Variants in HHLA1 observed in about 807,000 individuals in gnomAD.
The protein encoded by HHLA1 is HHLA1 neighbor of OC90, also known as HERV-H LTR-associating protein 1.
Under a neutral mutation model 69.9 loss-of-function variants are expected in HHLA1, and 72 were observed. The observed-to-expected ratio is 1.03, with a 90% confidence interval of 0.85 to 1.25. HHLA1 has a LOEUF of 1.25. Ranked by LOEUF, HHLA1 falls within the 50% of genes most tolerant of loss-of-function variation. HHLA1 has a pLI of 0.00. For missense variants in HHLA1, 685 were observed against 642.2 expected, an observed-to-expected ratio of 1.07 and a Z score of -0.72; for synonymous variants, 252 against 233.2, an observed-to-expected ratio of 1.08 and a Z score of -0.73.
chr8:132,083,524 T>G (rs1009362003), intron 10 of HHLA1, among the ~76,000 whole-genome samples: 1 of 152,144 alleles, frequency 6.6e-6, no homozygotes, highest in African/African-American at 2.4e-5. Flanking sequence ...CAAGAAGATC[T>G]GGGAAGGAGT....
chr8:132,080,214 A>C, intron 10 of HHLA1: 1 of 600,628 alleles, frequency 1.7e-6, no homozygotes, highest in Middle Eastern at 2.6e-4. Context: ...TCTCCTCCAT[A>C]TGCCTTATGG....
chr8:132,091,873 C>T (rs1371791579), intron 7 of HHLA1, among the ~76,000 whole-genome samples: 2 of 152,166 alleles, frequency 1.3e-5, no homozygotes, highest in African/African-American at 4.8e-5. Flanking sequence ...TGTCAGCCAA[C>T]AATTCTATTT....
intron 10 of HHLA1, among the ~76,000 whole-genome samples, chr8:132,082,382 G>C (rs7014342): frequency 0.28 from 43,005 of 152,034 alleles, 6,403 homozygotes; most frequent in Admixed American, 0.37. Flanking sequence ...AAAGGCTACA[G>C]GGTGTGGTCC....
chr8:132,106,655 CA>C (rs759621892), intron 1 of HHLA1, among the ~76,000 whole-genome samples: 5 of 152,226 alleles, frequency 3.3e-5, no homozygotes, highest in Non-Finnish European at 7.3e-5. Context: ...GCTGGAGACA[CA>C]GGGACAGAGT....
chr8:132,076,592 C>T (rs1158027729), intron 12 of HHLA1, 49 bp from the exon 13 acceptor site: 1 of 1,317,488 alleles, frequency 7.6e-7, no homozygotes, highest in Non-Finnish European at 1.0e-6. Context: ...CTAGGGGGCC[C>T]TGAGGGAGAA....
intron 11 of HHLA1, among the ~76,000 whole-genome samples, chr8:132,078,982 A>G (rs1421531334): frequency 6.6e-6 from 1 of 152,168 alleles, no homozygotes; most frequent in Non-Finnish European, 1.5e-5. Flanking sequence ...GGTTTGTTAC[A>G]TATGTATACA....
chr8:132,092,146 C>A (rs574649667), intron 7 of HHLA1, among the ~76,000 whole-genome samples: 1 of 152,204 alleles, frequency 6.6e-6, no homozygotes, highest in African/African-American at 2.4e-5. Flanking sequence ...TATAAAATTG[C>A]ATAAAAAATG....
chr8:132,065,401 C>A (rs955369790), intron 16 of HHLA1, among the ~76,000 whole-genome samples: 1 of 152,190 alleles, frequency 6.6e-6, no homozygotes, highest in African/African-American at 2.4e-5. Flanking sequence ...CCTGCCTCAG[C>A]CTCCCGAGTA....
intron 10 of HHLA1, 112 bp from the exon 11 acceptor site, chr8:132,080,078 T>A: frequency 7.4e-7 from 1 of 1,356,268 alleles, no homozygotes; most frequent in Non-Finnish European, 1.0e-6. Flanking sequence ...AACCTTTCTC[T>A]AATTAAAAGT....
chr8:132,094,378 G>A (rs545835393), intron 7 of HHLA1, among the ~76,000 whole-genome samples: 63 of 152,142 alleles, frequency 4.1e-4, no homozygotes, highest in Middle Eastern at 3.4e-3. Flanking sequence ...TAGAATCCTC[G>A]CAGCAGACCT....
In HHLA1 at chr8:132,087,710, C is replaced by A. The variant is rs1218154787; in HGVS notation, c.619G>T (p.Glu207Ter). The change falls in exon 10 of 17, where the codon GAA becomes TAA. Residue 207 changes from glutamate (E) to a stop codon, truncating the protein, a stop_gained. Coordinates refer to ENST00000414222, the MANE Select transcript of HHLA1 (RefSeq NM_001145095.3). LOFTEE classifies it high-confidence loss of function. ...TAATTGATAATGGGATATTTTTCTT[C>A]TATCTCCCAGAAGTCAGAAAGATTC... ...GRNLSDFWEI[E>*]EKYPIINYTF... is the part of the protein sequence containing the mutation. 1.7e-5 allele frequency: 26 copies of A among 1,551,454 alleles called. No individual in the cohort carries two copies. Among genetic ancestry groups the A allele is most frequent in the Non-Finnish European group, 2.2e-5 (25 of 1,146,886 alleles).
intron 15 of HHLA1, among the ~76,000 whole-genome samples, chr8:132,068,829 C>T (rs1009883471): frequency 6.6e-6 from 1 of 152,116 alleles, no homozygotes; most frequent in Non-Finnish European, 1.5e-5. Context: ...GAGTGTGCCC[C>T]AAGAATGGTT....
Position 132,101,307 on chromosome 8 carries a change from C to T in HHLA1, c.140-1173G>A, listed in dbSNP as rs141875215. 8.7e-5 allele frequency: 134 copies of T among 1,548,064 alleles called. No homozygotes were observed. The African/African-American group carries it at 1.7e-3, about 19-fold the overall frequency. ...AAAGTTTTCATGAATAAAATAGTAACCTGAAAGTACAGCCTCAAACAGTTC... is the reference window on the plus strand; with the variant it reads ...AAAGTTTTCATGAATAAAATAGTAATCTGAAAGTACAGCCTCAAACAGTTC... On this transcript the variant is annotated intron_variant, in intron 3 of 16. Coordinates refer to ENST00000414222, the MANE Select transcript of HHLA1 (RefSeq NM_001145095.3).
intron 1 of HHLA1, among the ~76,000 whole-genome samples, chr8:132,108,079 T>C (rs1313917146): frequency 6.6e-6 from 1 of 152,170 alleles, no homozygotes. Flanking sequence ...GCTCATGGCA[T>C]AGTTGTTACA....
Position 132,087,841 on chromosome 8 carries a change from T to G in HHLA1, c.589+4A>C, listed in dbSNP as rs1194156572. 4 of 1,551,062 alleles carry G rather than the reference T, an allele frequency of 2.6e-6. No homozygotes were observed. The highest frequency in any genetic ancestry group is 3.3e-4 in the Middle Eastern group (2 of 6,014). ...AGCTTGTCAAAGAATGTCTAGTGGT[T>G]TACCTGACTTTCCTGTCATCACACA... On this transcript the variant is annotated splice_donor_region_variant and intron_variant, in intron 9 of 16. Transcript: ENST00000414222.
intron 7 of HHLA1, among the ~76,000 whole-genome samples, chr8:132,090,120 C>T (rs1025515383): frequency 6.6e-6 from 1 of 152,128 alleles, no homozygotes; most frequent in Non-Finnish European, 1.5e-5. Flanking sequence ...TTCCTTCTGC[C>T]CCCTTTTTAA....
intron 12 of HHLA1, 71 bp from the exon 13 acceptor site, chr8:132,076,614 C>T: frequency 9.6e-7 from 1 of 1,044,052 alleles, no homozygotes; most frequent in Non-Finnish European, 1.3e-6. Flanking sequence ...ATGACCAGGG[C>T]CACCTATCCT....
chr8:132,072,261 G>A (rs1586724325), intron 14 of HHLA1, among the ~76,000 whole-genome samples: 2 of 152,218 alleles, frequency 1.3e-5, no homozygotes, highest in Non-Finnish European at 2.9e-5. Flanking sequence ...GATCTGCTGA[G>A]ACTCAGAAAG....
At position 132,072,420 on chromosome 8, in the gene HHLA1, A is replaced by G. The variant is rs561110692; in HGVS notation, c.1316-927T>C. 2.6e-5 allele frequency among the ~76,000 whole-genome samples: 4 copies of G among 152,116 alleles called. No individual in the cohort carries two copies. The South Asian group carries it at 8.3e-4, about 32-fold the overall frequency. On this transcript the variant is annotated intron_variant, in intron 14 of 16. Coordinates refer to ENST00000414222, the MANE Select transcript of HHLA1 (RefSeq NM_001145095.3). ...GTTTGCATGAAACAAACAATAAATA[A>G]TAGCAATTATTATTATTATTTATTT... is the stretch of plus-strand genomic sequence containing the variant.
Sources: gnomAD v4.1 joint callset for allele counts (sites outside exome capture counted in the v4.1 genomes callset) on GRCh38, gnomAD v4.1.1 for gene constraint, MANE v1.5 for transcripts, NCBI Gene and HGNC (gene_info 2026-07-23, HGNC 2026-07-21) for gene names.